Variants in LCT observed in about 807,000 individuals in gnomAD.
LCT encodes the protein lactase/phlorizin hydrolase.
LCT carries 90 observed loss-of-function variants against 173.0 expected under a neutral mutation model. The observed-to-expected ratio is 0.52, with a 90% confidence interval of 0.44 to 0.62. The LOEUF (loss-of-function observed/expected upper bound fraction) is 0.62. Among genes scored for constraint, LCT ranks in the 20% least tolerant of loss-of-function variants. The pLI, the probability that LCT is intolerant of heterozygous loss-of-function variation, is 0.00. For missense variants in LCT, 1,864 were observed against 2,431.4 expected (o/e 0.77, Z 4.91); for synonymous variants, 853 against 957.6 (o/e 0.89, Z 2.02).
At position 135,817,752 on chromosome 2, in the gene LCT, A is replaced by G. The variant is rs751396272; in HGVS notation, c.1296T>C (p.Ser432=). Residue 432 remains serine (S), a synonymous_variant, in exon 6 of 17, where the codon AGT becomes AGC. Coordinates refer to ENST00000264162, the MANE Select transcript of LCT (RefSeq NM_002299.4). ...CGACGTCAGAGGCTACCTTGTGGTA[A>G]CTGTCGCTGGCCACCTCCAGCGTCG... ...GQATLEVASD[S]YHKVASDVAL... The G allele has an allele frequency of 6.2e-7, 1 of 1,613,928 alleles. No homozygotes were observed. Among genetic ancestry groups the G allele is most frequent in the African/African-American group, 1.3e-5 (1 of 74,938 alleles).
chr2:135,822,192 C>G, intron 4 of LCT, 94 bp from the exon 5 acceptor site: 1 of 805,042 alleles, frequency 1.2e-6, no homozygotes, highest in South Asian at 1.4e-5. Context: ...TACGACACAC[C>G]CAAACTCCAA....
chr2:135,827,343 C>A lies in LCT; in HGVS notation c.804+2250G>T, dbSNP rs376809245. Among the ~76,000 whole-genome samples, 13 of 152,128 alleles carry A rather than the reference C, an allele frequency of 8.5e-5. No homozygotes were observed. In the East Asian group the frequency reaches 1.9e-3, roughly 23 times the overall value. The stretch of plus-strand genomic sequence containing the variant: ...TTCAAATCCCAACCCTGGAGCTCAC[C>A]ACCTTGGTTAAATTGTTTAAACCTT... On this transcript the variant is annotated intron_variant, in intron 3 of 16. Coordinates refer to ENST00000264162, the MANE Select transcript of LCT (RefSeq NM_002299.4).
chr2:135,805,202 G>A (rs1017657617), intron 9 of LCT, 145 bp from the exon 10 acceptor site: 5 of 845,170 alleles, frequency 5.9e-6, no homozygotes, highest in Non-Finnish European at 9.6e-6. Flanking sequence ...TCCATGTGTG[G>A]TGGCTCACGC....
In LCT at chr2:135,821,428, C is replaced by G. The variant is rs2077829569; in HGVS notation, c.986+592G>C. On this transcript the variant is annotated intron_variant, in intron 5 of 16. Transcript: ENST00000264162. Reference sequence around the variant, plus strand: ...ATTTCTCTTACTCATCATGTAACTTCAGTGGGATGGTCAGATCTATCTTTA... The same window carrying G: ...ATTTCTCTTACTCATCATGTAACTTGAGTGGGATGGTCAGATCTATCTTTA... Among the ~76,000 whole-genome samples the G allele has an allele frequency of 2.0e-5, 3 of 152,144 alleles. No homozygotes were observed. In the South Asian group the frequency reaches 6.2e-4, roughly 31 times the overall value.
At chr2:135,824,600 G>A (rs1006573945) in intron 3 of LCT, among the ~76,000 whole-genome samples, 4 of 152,204 alleles carry the variant, frequency 2.6e-5, no homozygotes, top group Non-Finnish European at 5.9e-5. Flanking sequence ...TAGGTTAGGT[G>A]AAAGAAGATT....
At chr2:135,827,999 G>C (rs950174113) in intron 3 of LCT, among the ~76,000 whole-genome samples, 1 of 152,170 alleles carries the variant, frequency 6.6e-6, no homozygotes, top group African/African-American at 2.4e-5. Context: ...CTGAAGCTCA[G>C]TTTGACATTC....
chr2:135,830,923 T>G (rs1464155681), intron 2 of LCT, among the ~76,000 whole-genome samples: 6 of 152,230 alleles, frequency 3.9e-5, no homozygotes, highest in African/African-American at 9.6e-5. Flanking sequence ...TAGGGAGGGT[T>G]AGCAAATGCA....
At chr2:135,799,765 T>C (rs2077610866) in intron 12 of LCT, among the ~76,000 whole-genome samples, 1 of 152,192 alleles carries the variant, frequency 6.6e-6, no homozygotes, top group Admixed American at 6.5e-5. Flanking sequence ...CCTAGTAATG[T>C]CTCTACTTCC....
rs1490497561 is a variant in LCT at position 135,809,013 on chromosome 2, A to G, written c.3334T>C (p.Tyr1112His). The G allele has an allele frequency of 5.0e-6, 8 of 1,611,184 alleles. No individual in the cohort carries two copies. Among genetic ancestry groups the G allele is most frequent in the Non-Finnish European group, 6.8e-6 (8 of 1,178,144 alleles). ...ATGACCCCCTTCTGCTCCTGCCTGT[A>G]TTTCTCATCGTACGTGTGATAGACT... is the stretch of plus-strand genomic sequence containing the variant. ...ARVYHTYDEK[Y>H]RQEQKGVISL... The change falls in exon 8 of 17, where the codon TAC (tyrosine) becomes CAC (histidine). Residue 1112 changes from tyrosine (Y) to histidine (H), a missense_variant. Tyr to His is a moderately conservative substitution (Grantham distance 83). Transcript: ENST00000264162. This position sits in a 1 kb window ranked among gnomAD's most constrained non-coding sequence, Gnocchi z 5.5.
intron 1 of LCT, among the ~76,000 whole-genome samples, chr2:135,835,399 G>C (rs1278721653): frequency 6.7e-6 from 1 of 149,426 alleles, no homozygotes; most frequent in South Asian, 2.1e-4. Context: ...TTATAGGCAT[G>C]AGCCACCATG....
intron 14 of LCT, among the ~76,000 whole-genome samples, chr2:135,791,110 G>A (rs1271328989): frequency 1.3e-5 from 2 of 152,206 alleles, no homozygotes; most frequent in Admixed American, 6.5e-5. Context: ...TCAGCTCTCC[G>A]TCCTTCAATT....
intron 6 of LCT, among the ~76,000 whole-genome samples, chr2:135,814,167 CACTT>C (rs1327763698): frequency 6.6e-6 from 1 of 152,202 alleles, no homozygotes; most frequent in Non-Finnish European, 1.5e-5. Context: ...AAGAGGATGA[CACTT>C]ACCTCTGAAG....
Position 135,812,394 on chromosome 2 carries a change from A to G in LCT, c.2270T>C (p.Met757Thr). 6.2e-7 allele frequency: 1 copy of G among 1,614,022 alleles called. No individual in the cohort carries two copies. Among genetic ancestry groups the G allele is most frequent in the Non-Finnish European group, 8.5e-7 (1 of 1,179,860 alleles). ...GAGATTTTCACTTTCCCCTATGGGCATGCCATTCCCGGCAAGGTATATTGG... is the reference window on the plus strand; with the variant it reads ...GAGATTTTCACTTTCCCCTATGGGCGTGCCATTCCCGGCAAGGTATATTGG... ...KVPIYLAGNG[M>T]PIGESENLFD... is the part of the protein sequence containing the mutation. Residue 757 changes from methionine (M) to threonine (T), a missense_variant, in exon 7 of 17, where the codon ATG (methionine) becomes ACG (threonine). Around this residue, in one of 4 missense-constraint regions of LCT, gnomAD observed 755 missense variants for 926.3 expected, o/e 0.82. Coordinates refer to ENST00000264162, the MANE Select transcript of LCT (RefSeq NM_002299.4).
chr2:135,792,391 G>C (rs900093558), intron 14 of LCT, among the ~76,000 whole-genome samples: 12 of 152,218 alleles, frequency 7.9e-5, no homozygotes, highest in Non-Finnish European at 1.3e-4. Flanking sequence ...ATTTTCCTGA[G>C]CAGAATCTTG....
Position 135,794,626 on chromosome 2 carries a change from T to A in LCT, c.5111+15A>T, listed in dbSNP as rs752104158. ...TTTCCAGAGATGGCTCCGGGCTCCC[T>A]GTTGGTGGACTTACCTGTCTGCATC... On this transcript the variant is annotated intron_variant, in intron 14 of 16. Coordinates refer to ENST00000264162, the MANE Select transcript of LCT (RefSeq NM_002299.4). The A allele has an allele frequency of 3.1e-6, 5 of 1,613,620 alleles. No individual in the cohort carries two copies. The highest frequency in any genetic ancestry group is 3.4e-6 in the Non-Finnish European group (4 of 1,179,814).
chr2:135,827,346 C>A (rs1218912647), intron 3 of LCT, among the ~76,000 whole-genome samples: 1 of 152,156 alleles, frequency 6.6e-6, no homozygotes, highest in Non-Finnish European at 1.5e-5. Context: ...AGCTCACCAC[C>A]TTGGTTAAAT....
chr2:135,809,646 C>T lies in LCT; in HGVS notation c.2701G>A (p.Gly901Arg), dbSNP rs776158841. 40 of 1,614,122 alleles carry T rather than the reference C, an allele frequency of 2.5e-5. No individual in the cohort carries two copies. The highest frequency in any genetic ancestry group is 4.2e-6 in the Non-Finnish European group (5 of 1,180,056). ...PKFERDLFYH[G>R]TFRDDFLWGV... ...CACAGAAAGTCATCCCGAAACGTCC[C>T]GTGGTAGAACAAATCTCTTTCGAAC... The change falls in exon 8 of 17, where the codon GGG becomes AGG. Residue 901 changes from glycine (G) to arginine (R), a missense_variant. Around this residue, in one of 4 missense-constraint regions of LCT, gnomAD observed 755 missense variants for 926.3 expected, o/e 0.82. Transcript: ENST00000264162. This position sits in a 1 kb window ranked among gnomAD's most constrained non-coding sequence, Gnocchi z 5.5.
chr2:135,799,335 A>C (rs2077606945), intron 12 of LCT, among the ~76,000 whole-genome samples: 1 of 152,056 alleles, frequency 6.6e-6, no homozygotes, highest in African/African-American at 2.4e-5. Context: ...CCTGATGCAA[A>C]ATGTAGGAGA....
At chr2:135,810,628 T>C (rs1470993128) in intron 7 of LCT, among the ~76,000 whole-genome samples, 2 of 152,184 alleles carry the variant, frequency 1.3e-5, no homozygotes, top group Non-Finnish European at 2.9e-5. Flanking sequence ...TGCTTTTCCT[T>C]GTTTATGTTT....
Sources: allele counts gnomAD v4.1 joint callset (sites outside exome capture counted in the v4.1 genomes callset), GRCh38; gene constraint gnomAD v4.1.1; regional missense constraint gnomAD v4.1.1; non-coding constraint Gnocchi (gnomAD v3.1); transcripts MANE v1.5; gene names NCBI Gene and HGNC (gene_info 2026-07-23, HGNC 2026-07-21).